The following PTGFR variants were observed in gnomAD, a reference collection of about 807,000 sequenced individuals.
The protein encoded by PTGFR is prostaglandin F2-alpha receptor.
A neutral mutation model predicts 26.2 loss-of-function variants in PTGFR; 15 were observed. The ratio of observed to expected loss-of-function variants is 0.57; its 90% confidence interval spans 0.38 to 0.88. PTGFR has a LOEUF of 0.88. Ranked by LOEUF, PTGFR falls within the 40% of genes least tolerant of loss-of-function variation. The pLI is 0.00. For missense variants in PTGFR, 369 were observed against 427.2 expected, an observed-to-expected ratio of 0.86 and a Z score of 1.20; for synonymous variants, 165 against 151.1, an observed-to-expected ratio of 1.09 and a Z score of -0.68.
At chr1:78,525,956 T>C (rs983174580) in intron 2 of PTGFR, among the ~76,000 whole-genome samples, 1 of 152,114 alleles carries the variant, frequency 6.6e-6, no homozygotes, top group East Asian at 1.9e-4. Context: ...ACTGTTCCAA[T>C]TGGAAGTAGT....
intron 2 of PTGFR, among the ~76,000 whole-genome samples, chr1:78,512,741 A>T (rs1369530975): frequency 6.6e-6 from 1 of 152,128 alleles, no homozygotes; most frequent in African/African-American, 2.4e-5. Flanking sequence ...TCAGCATTAG[A>T]GGTGGGGCCT....
chr1:78,518,958 T>C (rs993032058), intron 2 of PTGFR, among the ~76,000 whole-genome samples: 1 of 152,158 alleles, frequency 6.6e-6, no homozygotes, highest in Admixed American at 6.6e-5. Flanking sequence ...TAACTACTCT[T>C]CAGCTTCTGT....
At position 78,536,544 on chromosome 1, in the gene PTGFR, A is replaced by C. The variant is rs1396262293; in HGVS notation, c.937A>C (p.Lys313Gln). 6.2e-7 allele frequency: 1 copy of C among 1,613,446 alleles called. No individual in the cohort carries two copies. The highest frequency in any genetic ancestry group is 8.5e-7 in the Non-Finnish European group (1 of 1,179,560). Reference protein sequence around the residue: ...VYILLRKAVLKNLYKLASQCC... With the variant: ...VYILLRKAVLQNLYKLASQCC... ...TATTCTTCTACGAAAGGCTGTCCTT[A>C]AGAATCTCTATAAGCTTGCCAGTCA... is the stretch of plus-strand genomic sequence containing the variant. Residue 313 changes from lysine (K) to glutamine (Q), a missense_variant, in exon 3 of 3, where the codon AAG becomes CAG. Coordinates refer to ENST00000370757, the MANE Select transcript of PTGFR (RefSeq NM_000959.4).
At chr1:78,506,328 ATAT>A (rs1012351982) in intron 2 of PTGFR, among the ~76,000 whole-genome samples, 6 of 151,978 alleles carry the variant, frequency 3.9e-5, no homozygotes, top group African/African-American at 1.4e-4. Flanking sequence ...CTATTTGTAT[ATAT>A]TTTTGGAAAA....
intron 2 of PTGFR, among the ~76,000 whole-genome samples, chr1:78,521,920 C>T (rs969551581): frequency 1.3e-5 from 2 of 152,116 alleles, no homozygotes; most frequent in African/African-American, 4.8e-5. Flanking sequence ...AACTTGGCAG[C>T]ATGAAACAGC....
intron 2 of PTGFR, chr1:78,497,949 GT>G: frequency 6.4e-7 from 1 of 1,570,016 alleles, no homozygotes; most frequent in Non-Finnish European, 8.8e-7. Flanking sequence ...ACATAGGTGA[GT>G]TTACCCAAGA....
At chr1:78,513,951 A>G (rs1005886912) in intron 2 of PTGFR, among the ~76,000 whole-genome samples, 6 of 152,254 alleles carry the variant, frequency 3.9e-5, no homozygotes, top group African/African-American at 1.4e-4. Flanking sequence ...ACAGAATGCA[A>G]AAGTGAAGGA....
At chr1:78,533,584 G>A (rs3766335) in intron 2 of PTGFR, among the ~76,000 whole-genome samples, 24,741 of 152,104 alleles carry the variant, frequency 0.16, 2,201 homozygotes, top group Non-Finnish European at 0.22. Context: ...CATCTAGCAC[G>A]ATGCCTACAT....
At chr1:78,531,721 C>A (rs891956825) in intron 2 of PTGFR, among the ~76,000 whole-genome samples, 1 of 151,876 alleles carries the variant, frequency 6.6e-6, no homozygotes, top group Non-Finnish European at 1.5e-5. Context: ...TTCTGTTAAC[C>A]CTCCTAACTC....
At chr1:78,521,417 T>A (rs576625810) in intron 2 of PTGFR, among the ~76,000 whole-genome samples, 1 of 152,244 alleles carries the variant, frequency 6.6e-6, no homozygotes, top group South Asian at 2.1e-4. Context: ...ATAACAGTGT[T>A]CTAAATATTT....
intron 2 of PTGFR, among the ~76,000 whole-genome samples, chr1:78,521,854 T>G (rs1230835010): frequency 6.6e-6 from 1 of 152,086 alleles, no homozygotes; most frequent in Non-Finnish European, 1.5e-5. Flanking sequence ...TTTCCTAAAT[T>G]TAAATCACTC....
rs1557645315 is a variant in PTGFR, at chr1:78,492,657, C to G, written c.-72-15C>G. Reference sequence around the variant, plus strand: ...GTAATGCGGTGTTCATAATTCCTCTCCCTTTATCCTACAGATGTCTGGACT... The same window carrying G: ...GTAATGCGGTGTTCATAATTCCTCTGCCTTTATCCTACAGATGTCTGGACT... On this transcript the variant is annotated splice_polypyrimidine_tract_variant and intron_variant, in intron 1 of 2. Transcript: ENST00000370757. 3 of 1,290,086 alleles carry G rather than the reference C, an allele frequency of 2.3e-6. No homozygotes were observed. Among genetic ancestry groups the G allele is most frequent in the African/African-American group, 3.0e-5 (2 of 67,280 alleles). The allele number at this position is 1,290,086 out of a possible 1,614,324, so 79.9% of individuals were successfully genotyped here.
At position 78,493,433 on chromosome 1, in the gene PTGFR, T is replaced by A. The variant is rs1458426031; in HGVS notation, c.690T>A (p.Val230=). ...TCACAGGAATTACACTTTTAAGAGTTAAATTTAAAAGTCAGCAGCACAGAC... is the reference window on the plus strand; with the variant it reads ...TCACAGGAATTACACTTTTAAGAGTAAAATTTAAAAGTCAGCAGCACAGAC... ...NAITGITLLR[V]KFKSQQHRQG... The change falls in exon 2 of 3, where the codon GTT becomes GTA. Residue 230 remains valine, a synonymous_variant. Transcript: ENST00000370757. 1.2e-6 allele frequency: 2 copies of A among 1,613,024 alleles called. No homozygotes were observed. The highest frequency in any genetic ancestry group is 1.7e-6 in the Non-Finnish European group (2 of 1,179,338).
chr1:78,509,516 A>G (rs1649912908), intron 2 of PTGFR, among the ~76,000 whole-genome samples: 1 of 152,196 alleles, frequency 6.6e-6, no homozygotes, highest in South Asian at 2.1e-4. Flanking sequence ...TTATTTCCAA[A>G]TTTCAACAAA....
intron 2 of PTGFR, among the ~76,000 whole-genome samples, chr1:78,516,014 G>GT (rs1428371860): frequency 1.3e-5 from 2 of 152,078 alleles, no homozygotes; most frequent in African/African-American, 2.4e-5. Flanking sequence ...AAAGAGTCAA[G>GT]TTTTTTGAAA....
intron 2 of PTGFR, among the ~76,000 whole-genome samples, chr1:78,535,316 G>C (rs1474194878): frequency 6.6e-6 from 1 of 152,060 alleles, no homozygotes; most frequent in African/African-American, 2.4e-5. Flanking sequence ...TATAGAAATA[G>C]ACTTCAGATG....
chr1:78,513,068 C>A (rs1650010958), intron 2 of PTGFR, among the ~76,000 whole-genome samples: 1 of 152,160 alleles, frequency 6.6e-6, no homozygotes, highest in Non-Finnish European at 1.5e-5. Context: ...CCAGGCTCAG[C>A]TATTTTTTAT....
chr1:78,502,243 G>C (rs545536096), intron 2 of PTGFR, among the ~76,000 whole-genome samples: 134 of 152,230 alleles, frequency 8.8e-4, no homozygotes, highest in African/African-American at 3.1e-3. Flanking sequence ...AAAGGATAAA[G>C]ATCTTTCCTC....
chr1:78,506,833 G>A lies in PTGFR; in HGVS notation c.798+13292G>A, dbSNP rs543110518. ...TATTTTCTTTTGAGAGCAAGTCACAGTTTCCTGTTTCTTTGTTTATTGAAC... is the reference window on the plus strand; with the variant it reads ...TATTTTCTTTTGAGAGCAAGTCACAATTTCCTGTTTCTTTGTTTATTGAAC... On this transcript the variant is annotated intron_variant, in intron 2 of 2. Coordinates refer to ENST00000370757, the MANE Select transcript of PTGFR (RefSeq NM_000959.4). 2.1e-4 allele frequency among the ~76,000 whole-genome samples: 32 copies of A among 152,192 alleles called. No homozygotes were observed. The South Asian group carries it at 6.2e-3, about 30-fold the overall frequency.
Sources: allele counts gnomAD v4.1 joint callset (sites outside exome capture counted in the v4.1 genomes callset), GRCh38; gene constraint gnomAD v4.1.1; transcripts MANE v1.5; gene names NCBI Gene and HGNC (gene_info 2026-07-23, HGNC 2026-07-21).